Variants in ZNF782 observed in about 807,000 individuals in gnomAD.
ZNF782 encodes the protein zinc finger protein 782.
Under a neutral mutation model 13.0 loss-of-function variants are expected in ZNF782, and 12 were observed. That is an observed-to-expected ratio of 0.92 (90% confidence interval 0.59 to 1.50). The LOEUF is 1.50. ZNF782 is among the 40% of genes most tolerant of loss of function. The probability of loss-of-function intolerance (pLI) is 0.00; values close to 1 mark genes in which losing one functional copy is unlikely to be tolerated. For missense variants in ZNF782, 770 were observed against 822.9 expected, an observed-to-expected ratio of 0.94 and a Z score of 0.79; for synonymous variants, 284 against 283.0, an observed-to-expected ratio of 1.00 and a Z score of -0.04.
chr9:96,910,273 A>G, the ZNF782 span: 1 of 586,144 alleles, frequency 1.7e-6, no homozygotes, highest in South Asian at 1.5e-5. Context: ...AGGAGGAGGA[A>G]AAAGAAGGTG....
the ZNF782 span, among the ~76,000 whole-genome samples, chr9:96,909,802 T>C: frequency 6.6e-6 from 1 of 151,790 alleles, no homozygotes; most frequent in Non-Finnish European, 1.5e-5. Context: ...GACCAAAAGC[T>C]TGCTAAACCC....
chr9:96,882,607 A>G, the ZNF782 span, among the ~76,000 whole-genome samples: 1 of 152,222 alleles, frequency 6.6e-6, no homozygotes, highest in African/African-American at 2.4e-5. Context: ...TAATCACTGT[A>G]AACTATGGAA....
At chr9:96,848,825 C>T (rs1851413295) in intron 3 of ZNF782, among the ~76,000 whole-genome samples, 1 of 152,098 alleles carries the variant, frequency 6.6e-6, no homozygotes, top group Non-Finnish European at 1.5e-5. Context: ...AAAAAACAAT[C>T]CTAAAATTCA....
chr9:96,819,252 G>A lies in ZNF782; in HGVS notation c.771C>T (p.Thr257=), dbSNP rs1243348091. ...KFGENKYDKS[T]FIIPQNMNPE... is the part of the protein sequence containing the mutation. ...GATTCATGTTCTGAGGAATAATAAA[G>A]GTTGATTTATCATATTTGTTTTCCC... Residue 257 remains threonine, a synonymous_variant, in exon 6 of 6, where the codon ACC becomes ACT. Transcript: ENST00000481138. The A allele has an allele frequency of 6.2e-7, 1 of 1,612,246 alleles. No homozygotes were observed. Among genetic ancestry groups the A allele is most frequent in the Non-Finnish European group, 8.5e-7 (1 of 1,179,578 alleles).
chr9:96,865,563 C>T (rs1455176862), intron 1 of ZNF782, among the ~76,000 whole-genome samples: 1 of 152,164 alleles, frequency 6.6e-6, no homozygotes, highest in Non-Finnish European at 1.5e-5. Flanking sequence ...TCTTCATCAG[C>T]AGTGTGAAAA....
At chr9:96,880,812 T>A in the ZNF782 span, among the ~76,000 whole-genome samples, 2 of 152,184 alleles carry the variant, frequency 1.3e-5, no homozygotes, top group South Asian at 2.1e-4. Flanking sequence ...AGCTGGGAAG[T>A]GTTCTCTCCA....
At chr9:96,912,272 C>G in the ZNF782 span, among the ~76,000 whole-genome samples, 2 of 142,846 alleles carry the variant, frequency 1.4e-5, no homozygotes, top group African/African-American at 5.1e-5. Flanking sequence ...AATCTCAGGC[C>G]TTTTTTTTTT....
At chr9:96,829,237 G>GA (rs1850723846) in intron 4 of ZNF782, among the ~76,000 whole-genome samples, 1 of 151,800 alleles carries the variant, frequency 6.6e-6, no homozygotes, top group South Asian at 2.1e-4. Context: ...CCATAAACTG[G>GA]AAAAAAGAGG....
At chr9:96,851,665 T>C (rs1193615149) in intron 3 of ZNF782, among the ~76,000 whole-genome samples, 3 of 152,304 alleles carry the variant, frequency 2.0e-5, no homozygotes, top group African/African-American at 4.8e-5. Flanking sequence ...TTATTCACAA[T>C]ATTTACAGAT....
the ZNF782 span, among the ~76,000 whole-genome samples, chr9:96,911,201 A>G: frequency 1.4e-5 from 2 of 144,724 alleles, no homozygotes; most frequent in African/African-American, 5.0e-5. Flanking sequence ...GCACTTTGGG[A>G]GGCCGAGGCG....
intron 1 of ZNF782, among the ~76,000 whole-genome samples, chr9:96,866,000 A>G (rs2118871938): frequency 6.6e-6 from 1 of 152,334 alleles, no homozygotes; most frequent in Non-Finnish European, 1.5e-5. Flanking sequence ...TGCTAAAGGC[A>G]TTCTGTTTTA....
chr9:96,897,881 T>C, the ZNF782 span: 1 of 151,954 alleles, frequency 6.6e-6, no homozygotes, highest in Non-Finnish European at 1.5e-5. Context: ...AATTAAACTA[T>C]TATTACAAGC....
At chr9:96,865,278 A>G (rs987143404) in intron 1 of ZNF782, among the ~76,000 whole-genome samples, 4 of 151,966 alleles carry the variant, frequency 2.6e-5, no homozygotes, top group Admixed American at 1.3e-4. Flanking sequence ...TTGAATTCCC[A>G]CATGTTATGG....
chr9:96,898,285 C>CA, the ZNF782 span, among the ~76,000 whole-genome samples: 2 of 148,934 alleles, frequency 1.3e-5, no homozygotes, highest in African/African-American at 2.5e-5. Flanking sequence ...ACCCCGTACC[C>CA]ATCAAGCAGT....
At chr9:96,886,466 T>C in the ZNF782 span, among the ~76,000 whole-genome samples, 1 of 152,206 alleles carries the variant, frequency 6.6e-6, no homozygotes, top group Non-Finnish European at 1.5e-5. Flanking sequence ...ACAGAAATTT[T>C]ATTTTAAAAG....
intron 4 of ZNF782, among the ~76,000 whole-genome samples, chr9:96,841,746 C>G (rs1311315781): frequency 6.6e-6 from 1 of 151,838 alleles, no homozygotes; most frequent in Non-Finnish European, 1.5e-5. Flanking sequence ...AGAATATCTA[C>G]AAAAGATCAT....
chr9:96,909,703 T>A, the ZNF782 span, among the ~76,000 whole-genome samples: 2 of 151,934 alleles, frequency 1.3e-5, no homozygotes, highest in Non-Finnish European at 2.9e-5. Context: ...TCAAATCTGG[T>A]CACCTTTCTA....
chr9:96,932,895 C>T, the ZNF782 span, among the ~76,000 whole-genome samples: 4 of 151,886 alleles, frequency 2.6e-5, no homozygotes, highest in South Asian at 2.1e-4. Flanking sequence ...TTGATCTGCC[C>T]GCCTCAGCCT....
the ZNF782 span, among the ~76,000 whole-genome samples, chr9:96,927,995 A>C: frequency 4.8e-5 from 7 of 146,936 alleles, no homozygotes; most frequent in African/African-American, 1.9e-4. Context: ...TTAGACAGCA[A>C]AAATAGCTTC....
Sources: gnomAD v4.1 joint callset for allele counts (sites outside exome capture counted in the v4.1 genomes callset) on GRCh38, gnomAD v4.1.1 for gene constraint, MANE v1.5 for transcripts, NCBI Gene and HGNC (gene_info 2026-07-23, HGNC 2026-07-21) for gene names.